Variants in SLC1A6 observed in about 807,000 individuals in gnomAD.
The protein encoded by SLC1A6 is solute carrier family 1 member 6, also known as excitatory amino acid transporter 4.
Under a neutral mutation model 42.1 loss-of-function variants are expected in SLC1A6, and 15 were observed. The observed-to-expected ratio is 0.36, with a 90% CI of 0.24 to 0.55. SLC1A6 has a LOEUF of 0.55. SLC1A6 is among the 20% of genes least tolerant of loss of function. The pLI is 0.88. For synonymous variants in SLC1A6, 317 were observed against 319.7 expected (o/e 0.99, Z 0.09); for missense variants, 542 against 772.5 (o/e 0.70, Z 3.54).
At chr19:15,010,398 C>T (rs55780375) in intron 1 of SLC1A6, 14,926 of 436,066 alleles carry the variant, frequency 0.034, 361 homozygotes, top group Non-Finnish European at 0.052. Context: ...GCTTCGGACA[C>T]CCTGAAGCTG....
chr19:14,962,476 A>G, intron 5 of SLC1A6, 131 bp from the exon 6 acceptor site: 2 of 645,634 alleles, frequency 3.1e-6, no homozygotes, highest in Non-Finnish European at 5.5e-6. Context: ...ATTATCGATT[A>G]TCACTCATTA....
chr19:14,996,528 T>TTTCTTCTTCTTCTTCCTCTTCTTCTTC (rs2045846986), intron 1 of SLC1A6, among the ~76,000 whole-genome samples: 1 of 125,854 alleles, frequency 7.9e-6, no homozygotes, highest in African/African-American at 3.1e-5. Context: ...CCTCCTCCTC[T>TTTCTTCTTCTTCTTCCTCTTCTTCTTC]TTCTTCTTCT....
intron 1 of SLC1A6, among the ~76,000 whole-genome samples, chr19:15,009,721 A>T (rs753764110): frequency 6.6e-6 from 1 of 152,214 alleles, no homozygotes; most frequent in African/African-American, 2.4e-5. Context: ...AAATATATCC[A>T]TGTAGCAAAA....
Position 14,962,134 on chromosome 19 carries a change from G to A in SLC1A6, c.803C>T (p.Ala268Val), listed in dbSNP as rs773881066. 6.2e-7 allele frequency: 1 copy of A among 1,614,214 alleles called. No individual in the cohort carries two copies. Among genetic ancestry groups the A allele is most frequent in the South Asian group, 1.1e-5 (1 of 91,084 alleles). ...CACAGAGAAGACCACGAGGCCCAGGGCGTTGATGCCATTGGCGGAGCCAGG... is the reference window on the plus strand; with the variant it reads ...CACAGAGAAGACCACGAGGCCCAGGACGTTGATGCCATTGGCGGAGCCAGG... ...PVPGSANGIN[A>V]LGLVVFSVAF... The change falls in exon 6 of 10, where the codon GCC becomes GTC. Residue 268 changes from alanine to valine, a missense_variant. By Grantham distance (64) the Ala-to-Val change is moderately conservative. Transcript: ENST00000594383.
At chr19:14,984,363 T>G (rs1438932346), upstream of SLC1A6, among the ~76,000 whole-genome samples, 1 of 152,002 alleles carries the variant, frequency 6.6e-6, no homozygotes, top group Non-Finnish European at 1.5e-5. Flanking sequence ...AAAAGCAACT[T>G]CATAGAATAT....
In SLC1A6 at chr19:15,000,395, C is replaced by A. The variant is rs553536346; in HGVS notation, c.6+10090G>T. Among the ~76,000 whole-genome samples, 187 of 152,316 alleles carry A rather than the reference C, an allele frequency of 1.2e-3. 1 individual carries two copies. Among genetic ancestry groups the A allele is most frequent in the African/African-American group, 4.0e-3 (167 of 41,568 alleles). On this transcript the variant is annotated intron_variant, in intron 1 of 8. Transcript: ENST00000430939. ...AATTGCCCCCAATCCTAGCCTCTGG[C>A]AACCACCATTTTATTCTGTTTCTAT...
At chr19:14,950,473 G>A (rs1568282123) in intron 9 of SLC1A6, 83 bp from the exon 10 acceptor site, 2 of 1,032,044 alleles carry the variant, frequency 1.9e-6, no homozygotes, top group Non-Finnish European at 2.8e-6. Context: ...GGGGGTCCCT[G>A]TGCCAGGGAG....
intron 1 of SLC1A6, among the ~76,000 whole-genome samples, chr19:14,995,029 A>G (rs750368820): frequency 1.3e-5 from 2 of 152,154 alleles, no homozygotes; most frequent in Non-Finnish European, 2.9e-5. Context: ...ACTCATAGAA[A>G]AAGAGAGTAG....
upstream of SLC1A6, among the ~76,000 whole-genome samples, chr19:14,982,840 A>C (rs2045774687): frequency 6.6e-6 from 1 of 152,246 alleles, no homozygotes; most frequent in South Asian, 2.1e-4. Flanking sequence ...AAAGTGTTTC[A>C]ACATTTATTC....
At chr19:14,963,140 C>T (rs765853793) in intron 5 of SLC1A6, among the ~76,000 whole-genome samples, 2 of 152,160 alleles carry the variant, frequency 1.3e-5, no homozygotes, top group African/African-American at 2.4e-5. Context: ...GGAGGGGATC[C>T]TGTCATTTGT....
At chr19:15,001,470 A>T (rs189175950) in intron 1 of SLC1A6, among the ~76,000 whole-genome samples, 1 of 152,346 alleles carries the variant, frequency 6.6e-6, no homozygotes, top group East Asian at 1.9e-4. Context: ...ATAAACACGG[A>T]TGGTGAGCAC....
At chr19:14,971,978 G>T in intron 2 of SLC1A6, 104 bp from the exon 3 acceptor site, 1 of 1,085,992 alleles carries the variant, frequency 9.2e-7, no homozygotes, top group Non-Finnish European at 1.4e-6. Context: ...GAGTGAGGGA[G>T]AGAAATATCC....
intron 6 of SLC1A6, among the ~76,000 whole-genome samples, chr19:14,958,122 A>C (rs2045478465): frequency 6.6e-6 from 1 of 152,100 alleles, no homozygotes; most frequent in Admixed American, 6.6e-5. Flanking sequence ...TAGAAATTGA[A>C]GTTTATGGCT....
chr19:14,950,946 C>CA (rs59048202), intron 9 of SLC1A6, among the ~76,000 whole-genome samples: 45 of 149,426 alleles, frequency 3.0e-4, no homozygotes, highest in Non-Finnish European at 5.8e-4. Context: ...CCCTGTCTCT[C>CA]AAAAAAAAAG....
At chr19:14,950,453 TG>T in intron 9 of SLC1A6, 63 bp from the exon 10 acceptor site, 1 of 1,325,302 alleles carries the variant, frequency 7.5e-7, no homozygotes, top group Non-Finnish European at 1.0e-6. Flanking sequence ...AGAAAGAGGG[TG>T]CAGCAGAGGG....
chr19:14,954,090 C>A (rs2045438425), intron 8 of SLC1A6, 45 bp downstream of exon 8: 2 of 1,495,766 alleles, frequency 1.3e-6, no homozygotes, highest in African/African-American at 2.8e-5. Context: ...AGCTGATGAC[C>A]GCTTAAGTCT....
intron 1 of SLC1A6, among the ~76,000 whole-genome samples, chr19:14,995,480 G>A (rs2081565169): frequency 6.6e-6 from 1 of 152,084 alleles, no homozygotes; most frequent in African/African-American, 2.4e-5. Context: ...ATTTCAGTTA[G>A]ATAGGAGAAA....
intron 1 of SLC1A6, among the ~76,000 whole-genome samples, chr19:15,002,966 G>T (rs7248092): frequency 9.9e-5 from 7 of 70,906 alleles, no homozygotes; most frequent in Admixed American, 2.6e-4. Context: ...TTTGTGGGAT[G>T]TTGTTGTTGT....
At chr19:15,010,468 C>A in intron 1 of SLC1A6, 1 of 509,646 alleles carries the variant, frequency 2.0e-6, no homozygotes, top group South Asian at 1.5e-5. Flanking sequence ...GAAGCCTGGC[C>A]CTTCTTCCAT....
Sources: gnomAD v4.1 joint callset for allele counts (sites outside exome capture counted in the v4.1 genomes callset) on GRCh38, gnomAD v4.1.1 for gene constraint, MANE v1.5 for transcripts, NCBI Gene and HGNC (gene_info 2026-07-23, HGNC 2026-07-21) for gene names.